ANKFY1: variants seen among roughly 807,000 people sequenced by gnomAD.
ANKFY1 encodes ankyrin repeat and FYVE domain containing 1, also known as ankyrin repeat and FYVE domain-containing protein 1.
ANKFY1 carries 47 observed loss-of-function variants against 128.3 expected under a neutral mutation model. The observed-to-expected ratio is 0.37, with a 90% CI of 0.29 to 0.47. ANKFY1 has a LOEUF of 0.47. Ranked by LOEUF, ANKFY1 falls within the 20% of genes least tolerant of loss-of-function variation. The pLI is 1.00. For synonymous variants in ANKFY1, 553 were observed against 601.6 expected, an observed-to-expected ratio of 0.92 and a Z score of 1.18; for missense variants, 1,222 against 1,510.6, an observed-to-expected ratio of 0.81 and a Z score of 3.17.
At position 4,179,907 on chromosome 17, in the gene ANKFY1, G is replaced by A. The variant is rs201073591; in HGVS notation, c.2241-30C>T. ...AAGGAATGGGGACATTTTAAAAAAC[G>A]CCACGCTTGGACCTGGCGTATAGGC... On this transcript the variant is annotated intron_variant, in intron 16 of 24. Transcript: ENST00000341657. 1.1e-3 allele frequency: 1,694 copies of A among 1,612,680 alleles called. 3 individuals are homozygous for A. Among genetic ancestry groups the A allele is most frequent in the Non-Finnish European group, 1.2e-3 (1,440 of 1,179,828 alleles).
intron 3 of ANKFY1, among the ~76,000 whole-genome samples, chr17:4,217,963 C>T (rs1275946525): frequency 6.6e-6 from 1 of 152,110 alleles, no homozygotes; most frequent in African/African-American, 2.4e-5. Context: ...GGATTACAGG[C>T]GTGAGCCGCT....
chr17:4,217,216 C>G, intron 3 of ANKFY1, 98 bp from the exon 4 acceptor site: 1 of 1,346,058 alleles, frequency 7.4e-7, no homozygotes, highest in Non-Finnish European at 1.0e-6. Flanking sequence ...AAGTAAATGA[C>G]AGTATACCCA....
intron 1 of ANKFY1, among the ~76,000 whole-genome samples, chr17:4,259,209 C>A (rs142392302): frequency 1.9e-3 from 294 of 152,350 alleles, no homozygotes; most frequent in African/African-American, 6.7e-3. Context: ...AATTGACTTG[C>A]TTATGATCAC....
chr17:4,198,172 C>A (rs2059862337), intron 7 of ANKFY1, among the ~76,000 whole-genome samples: 1 of 151,768 alleles, frequency 6.6e-6, no homozygotes, highest in African/African-American at 2.4e-5. Context: ...CTTCAAAGGC[C>A]TCCTTCGGTC....
intron 4 of ANKFY1, among the ~76,000 whole-genome samples, chr17:4,213,861 T>A (rs1248892652): frequency 6.6e-6 from 1 of 152,028 alleles, no homozygotes; most frequent in African/African-American, 2.4e-5. Context: ...GTGTGAGCCA[T>A]CACACCCAGT....
intron 3 of ANKFY1, among the ~76,000 whole-genome samples, chr17:4,220,760 G>C (rs559851838): frequency 5.3e-5 from 8 of 152,344 alleles, no homozygotes; most frequent in Admixed American, 2.6e-4. Context: ...CAAGGATCAG[G>C]AAGGACAGTG....
intron 1 of ANKFY1, chr17:4,263,675 G>T: frequency 1.3e-6 from 2 of 1,531,738 alleles, no homozygotes; most frequent in South Asian, 2.4e-5. Flanking sequence ...CGCAGCACCG[G>T]CGCGGGACCT....
intron 11 of ANKFY1, chr17:4,187,564 C>T: frequency 3.0e-6 from 1 of 329,124 alleles, no homozygotes; most frequent in South Asian, 1.6e-4. Context: ...AGTGAGGCCT[C>T]CCGTTTCTCT....
chr17:4,223,176 G>A (rs575238030), intron 3 of ANKFY1: 103 of 801,442 alleles, frequency 1.3e-4, no homozygotes, highest in Non-Finnish European at 1.5e-4. Context: ...ACTGAAAGTC[G>A]TAAGCTGCAA....
At chr17:4,238,152 T>TTA (rs1967004319) in intron 2 of ANKFY1, among the ~76,000 whole-genome samples, 1 of 92,694 alleles carries the variant, frequency 1.1e-5, no homozygotes, top group African/African-American at 4.0e-5. Context: ...CTTATTTATT[T>TTA]AAAAAAAAAA....
intron 19 of ANKFY1, among the ~76,000 whole-genome samples, 156 bp from the exon 20 acceptor site, chr17:4,174,212 T>TAGCA: frequency 6.6e-6 from 1 of 152,172 alleles, no homozygotes; most frequent in East Asian, 1.9e-4. Flanking sequence ...ACACTCCTGC[T>TAGCA]GAAGCAGAAA....
At chr17:4,186,430 A>G (rs2143006110) in intron 11 of ANKFY1, 1 of 152,642 alleles carries the variant, frequency 6.6e-6, no homozygotes, top group Non-Finnish European at 1.5e-5. Flanking sequence ...CTAAAAAAAA[A>G]AAAATATCCT....
At chr17:4,228,967 T>C (rs2060470742) in intron 3 of ANKFY1, among the ~76,000 whole-genome samples, 1 of 152,086 alleles carries the variant, frequency 6.6e-6, no homozygotes, top group Non-Finnish European at 1.5e-5. Context: ...TAATACATAA[T>C]AAAGCACTCA....
At chr17:4,180,893 G>C (rs961078174) in intron 16 of ANKFY1, 5 of 193,856 alleles carry the variant, frequency 2.6e-5, no homozygotes, top group African/African-American at 1.2e-4. Context: ...CACAGAGCCT[G>C]TTACGACTCA....
At chr17:4,247,828 C>G (rs1344369481) in intron 1 of ANKFY1, among the ~76,000 whole-genome samples, 2 of 152,222 alleles carry the variant, frequency 1.3e-5, no homozygotes, top group African/African-American at 4.8e-5. Flanking sequence ...GACTCATTCT[C>G]TTCACCTGCA....
At chr17:4,171,689 C>G (rs1409672730) in intron 22 of ANKFY1, among the ~76,000 whole-genome samples, 2 of 152,310 alleles carry the variant, frequency 1.3e-5, no homozygotes, top group East Asian at 3.9e-4. Context: ...GTACGTGCTG[C>G]TCACTCCCTC....
At chr17:4,189,278 A>T in intron 11 of ANKFY1, 104 bp downstream of exon 11, 2 of 912,050 alleles carry the variant, frequency 2.2e-6, no homozygotes, top group Non-Finnish European at 3.3e-6. Flanking sequence ...TATTCTGATT[A>T]AAAACTGAAA....
Position 4,183,379 on chromosome 17 carries a change from G to A in ANKFY1, c.1952+19C>T, listed in dbSNP as rs1338686199. On this transcript the variant is annotated intron_variant, in intron 14 of 24. Transcript: ENST00000341657. ...TAATTGTTACCTGGTGTTAGGTGGA[G>A]AGAGCGGCTTCCTCCTACCTGACAT... 6.2e-7 allele frequency: 1 copy of A among 1,611,088 alleles called. No homozygotes were observed. Among genetic ancestry groups the A allele is most frequent in the South Asian group, 1.1e-5 (1 of 91,040 alleles).
chr17:4,217,228 C>T, intron 3 of ANKFY1, 110 bp from the exon 4 acceptor site: 1 of 1,237,738 alleles, frequency 8.1e-7, no homozygotes, highest in Non-Finnish European at 1.1e-6. Context: ...GTATACCCAA[C>T]TTAAAGGAAT....
Sources: gnomAD v4.1 joint callset for allele counts (sites outside exome capture counted in the v4.1 genomes callset) on GRCh38, gnomAD v4.1.1 for gene constraint, MANE v1.5 for transcripts, NCBI Gene and HGNC (gene_info 2026-07-23, HGNC 2026-07-21) for gene names.